The following STPG2 variants were observed in gnomAD, a reference collection of about 807,000 sequenced individuals.
The protein encoded by STPG2 is sperm tail PG-rich repeat containing 2.
Under a neutral mutation model 54.2 loss-of-function variants are expected in STPG2, and 56 were observed. The ratio of observed to expected loss-of-function variants is 1.03; its 90% confidence interval spans 0.83 to 1.29. The LOEUF is 1.29. Among genes scored for constraint, STPG2 ranks in the 50% most tolerant of loss-of-function variants. The pLI, the probability that STPG2 is intolerant of heterozygous loss-of-function variation, is 0.00. For synonymous variants in STPG2, 200 were observed against 181.8 expected, an observed-to-expected ratio of 1.10 and a Z score of -0.81; for missense variants, 596 against 544.9, an observed-to-expected ratio of 1.09 and a Z score of -0.93.
chr4:97,812,118 T>C (rs1727759038), intron 9 of STPG2, among the ~76,000 whole-genome samples: 2 of 152,076 alleles, frequency 1.3e-5, no homozygotes, highest in Admixed American at 6.6e-5. Context: ...AAATGCAGTG[T>C]GAAAAGATAA....
intron 8 of STPG2, among the ~76,000 whole-genome samples, chr4:97,885,779 G>A (rs1333081969): frequency 6.6e-6 from 1 of 152,070 alleles, no homozygotes; most frequent in East Asian, 1.9e-4. Context: ...GTATACGCAG[G>A]AGGCCCTGGA....
chr4:97,928,496 T>A (rs540620895), intron 8 of STPG2, among the ~76,000 whole-genome samples: 15 of 152,138 alleles, frequency 9.9e-5, no homozygotes, highest in Non-Finnish European at 1.3e-4. Flanking sequence ...TACCTTCACT[T>A]CATAAACAAA....
At chr4:97,703,474 G>A (rs1723840637) in intron 10 of STPG2, among the ~76,000 whole-genome samples, 2 of 138,656 alleles carry the variant, frequency 1.4e-5, no homozygotes, top group Admixed American at 1.5e-4. Flanking sequence ...ATATATAGTA[G>A]TATATAGTAT....
chr4:97,757,507 A>G (rs1560516237), intron 9 of STPG2, among the ~76,000 whole-genome samples: 1 of 152,172 alleles, frequency 6.6e-6, no homozygotes, highest in Non-Finnish European at 1.5e-5. Context: ...AGTCCTTGAA[A>G]TCTTCTTTAG....
intron 5 of STPG2, among the ~76,000 whole-genome samples, chr4:98,084,442 G>C (rs534164804): frequency 6.6e-6 from 1 of 152,148 alleles, no homozygotes; most frequent in South Asian, 2.1e-4. Flanking sequence ...ATAAGTATTT[G>C]GTGAACATAT....
At chr4:97,823,407 C>A (rs1270875922) in intron 9 of STPG2, among the ~76,000 whole-genome samples, 1 of 152,024 alleles carries the variant, frequency 6.6e-6, no homozygotes, top group Non-Finnish European at 1.5e-5. Flanking sequence ...AAAAGCAAAC[C>A]CTGGGTGAAT....
rs1018809087 is a variant in STPG2 at position 97,477,476 on chromosome 4, G to GTT, written c.462+235221_462+235222dup. ...TTATGATGGTTTACCTTCCTTTTTT[G>GTT]TTTTTTTTTTTTTTTTTTGAGACTG... On this transcript the variant is annotated intron_variant, in intron 4 of 4. Coordinates refer to the STPG2 transcript ENST00000522676. Among the ~76,000 whole-genome samples, 363 of 120,366 alleles carry GTT rather than the reference G, an allele frequency of 3.0e-3. 1 individual carries two copies. Among genetic ancestry groups the GTT allele is most frequent in the African/African-American group, 6.3e-3 (204 of 32,598 alleles). The allele number at this position is 120,366 out of a possible 152,430, so 79.0% of individuals were successfully genotyped here.
intron 5 of STPG2, among the ~76,000 whole-genome samples, chr4:97,987,348 T>C (rs973391130): frequency 9.9e-5 from 15 of 152,212 alleles, no homozygotes; most frequent in Non-Finnish European, 1.8e-4. Context: ...ACAGCTAGCT[T>C]GTCTCTAAAA....
At chr4:98,091,610 G>GAATCA (rs1359556756) in intron 5 of STPG2, among the ~76,000 whole-genome samples, 15 of 152,094 alleles carry the variant, frequency 9.9e-5, no homozygotes, top group Non-Finnish European at 1.6e-4. Flanking sequence ...ATCTTCCATT[G>GAATCA]AGGAATGTGA....
chr4:97,999,046 T>C (rs1255724320), intron 5 of STPG2, among the ~76,000 whole-genome samples: 1 of 152,202 alleles, frequency 6.6e-6, no homozygotes, highest in Non-Finnish European at 1.5e-5. Context: ...ATTTAAGCAT[T>C]GTCATTTTGC....
chr4:97,637,532 A>C (rs1414077412), intron 10 of STPG2, among the ~76,000 whole-genome samples: 1 of 152,170 alleles, frequency 6.6e-6, no homozygotes, highest in African/African-American at 2.4e-5. Context: ...GTATTCAATT[A>C]GGAAAAGAGG....
intron 3 of STPG2, among the ~76,000 whole-genome samples, chr4:98,119,606 C>CT (rs879556822): frequency 2.5e-4 from 36 of 146,392 alleles, no homozygotes; most frequent in Middle Eastern, 3.6e-3. Flanking sequence ...AAAAGAATGC[C>CT]TTTTTTTTTT....
chr4:97,966,188 G>A lies in STPG2; in HGVS notation c.933+6092C>T, dbSNP rs140795924. Among the ~76,000 whole-genome samples the A allele has an allele frequency of 1.7e-3, 258 of 152,290 alleles. 1 individual carries two copies. The highest frequency in any genetic ancestry group is 6.0e-3 in the African/African-American group (249 of 41,560). ...ATAAACAGTGTAGAGAAGACCTTACGTGACCTGACAGAGCTGAAAACCATG... is the reference window on the plus strand; with the variant it reads ...ATAAACAGTGTAGAGAAGACCTTACATGACCTGACAGAGCTGAAAACCATG... On this transcript the variant is annotated intron_variant, in intron 7 of 10. Coordinates refer to ENST00000295268, the MANE Select transcript of STPG2 (RefSeq NM_174952.3).
chr4:97,453,137 T>C (rs1159408276), intron 4 of STPG2, among the ~76,000 whole-genome samples: 1 of 152,224 alleles, frequency 6.6e-6, no homozygotes, highest in Non-Finnish European at 1.5e-5. Flanking sequence ...GCCAGGGCTG[T>C]GACTCCCTCT....
chr4:97,929,123 T>G (rs1342399460), intron 8 of STPG2, among the ~76,000 whole-genome samples: 3 of 152,224 alleles, frequency 2.0e-5, no homozygotes, highest in Non-Finnish European at 4.4e-5. Flanking sequence ...TGTGAGAACA[T>G]GTAGTAGTTG....
intron 5 of STPG2, 80 bp downstream of exon 5, chr4:98,105,873 G>C: frequency 8.1e-7 from 1 of 1,228,766 alleles, no homozygotes; most frequent in Non-Finnish European, 1.1e-6. Context: ...TTAGATCAAA[G>C]AGCACAGTAA....
intron 10 of STPG2, among the ~76,000 whole-genome samples, chr4:97,625,641 C>T (rs918398187): frequency 1.2e-4 from 18 of 152,128 alleles, no homozygotes; most frequent in African/African-American, 4.3e-4. Context: ...GGGCACAAGG[C>T]TGTGACTGTA....
chr4:97,791,871 A>T (rs1190739635), intron 9 of STPG2, among the ~76,000 whole-genome samples: 1 of 152,152 alleles, frequency 6.6e-6, no homozygotes, highest in African/African-American at 2.4e-5. Context: ...AGCTAATGAA[A>T]ACTGAGGAGA....
chr4:97,912,524 A>T (rs13147768), intron 8 of STPG2, among the ~76,000 whole-genome samples: 56,728 of 152,072 alleles, frequency 0.37, 10,659 homozygotes, highest in Middle Eastern at 0.46. Flanking sequence ...CGATGCACTC[A>T]CAAGTATCAA....
Sources: allele counts gnomAD v4.1 joint callset (sites outside exome capture counted in the v4.1 genomes callset), GRCh38; gene constraint gnomAD v4.1.1; transcripts MANE v1.5; gene names NCBI Gene and HGNC (gene_info 2026-07-23, HGNC 2026-07-21).